SV2B: variants seen among roughly 807,000 people sequenced by gnomAD.
SV2B encodes solute carrier family 22 member B2.
SV2B carries 41 observed loss-of-function variants against 73.9 expected under a neutral mutation model. The observed-to-expected ratio is 0.56, with a 90% CI of 0.43 to 0.72. The LOEUF is 0.72. Among genes scored for constraint, SV2B ranks in the 30% least tolerant of loss-of-function variants. The probability of loss-of-function intolerance (pLI) is 0.00; values close to 1 mark genes in which losing one functional copy is unlikely to be tolerated. For synonymous variants in SV2B, 314 were observed against 314.2 expected (o/e 1.00, Z 0.01); for missense variants, 764 against 857.8 (o/e 0.89, Z 1.37).
rs745856785 is a variant in SV2B, at chr15:91,226,732, A to G, written c.451+18A>G. ...AATGCTAGGTAAGTGGAAATTTCCA[A>G]TGATCCCTCCAATGAAAGGGAAGGA... On this transcript the variant is annotated intron_variant, in intron 2 of 12. Coordinates refer to ENST00000394232, the MANE Select transcript of SV2B (RefSeq NM_001323032.3). 48 of 1,596,780 alleles carry G rather than the reference A, an allele frequency of 3.0e-5. No individual in the cohort carries two copies. The highest frequency in any genetic ancestry group is 5.2e-5 in the Admixed American group (3 of 57,424).
chr15:91,152,071 C>CTTTTTTTTT (rs59094531), intron 1 of SV2B, among the ~76,000 whole-genome samples: 18 of 137,286 alleles, frequency 1.3e-4, no homozygotes, highest in African/African-American at 4.5e-4. Context: ...AATTTTTACT[C>CTTTTTTTTT]TTTTTTTTTT....
intron 2 of SV2B, 21 bp from the exon 3 acceptor site, chr15:91,251,798 C>G: frequency 1.2e-6 from 2 of 1,611,680 alleles, no homozygotes; most frequent in Non-Finnish European, 1.7e-6. Context: ...CTATTCTCTC[C>G]TCTCCTCCCC....
chr15:91,276,838 T>TTATTATTATTATTATTA (rs1444551273), intron 9 of SV2B, among the ~76,000 whole-genome samples: 2 of 132,878 alleles, frequency 1.5e-5, no homozygotes, highest in African/African-American at 6.8e-5. Flanking sequence ...TATTATTATT[T>TTATTATTATTATTATTA]GAGACAGAGT....
rs1214779351 is a variant in SV2B, at chr15:91,115,365, T to C, written c.-392+15002T>C. 1.3e-5 allele frequency among the ~76,000 whole-genome samples: 2 copies of C among 151,992 alleles called. No homozygotes were observed. Among genetic ancestry groups the C allele is most frequent in the East Asian group, 1.9e-4 (1 of 5,192 alleles). On this transcript the variant is annotated intron_variant, in intron 1 of 12. Transcript: ENST00000394232. The surrounding 1 kb of genome is among the most constrained non-coding windows in gnomAD (Gnocchi z 4.3). ...GACGACTTTGAAAGTGGGCTATTTC[T>C]CCATCTCCCCTTCCTTTTTTTTTTG...
At chr15:91,205,128 A>T (rs1264377958) in intron 1 of SV2B, among the ~76,000 whole-genome samples, 1 of 152,084 alleles carries the variant, frequency 6.6e-6, no homozygotes, top group African/African-American at 2.4e-5. Context: ...CTTTTGTCTC[A>T]TTTTCTTCTA....
intron 1 of SV2B, among the ~76,000 whole-genome samples, chr15:91,131,788 C>A (rs2042660279): frequency 6.6e-6 from 1 of 152,082 alleles, no homozygotes; most frequent in African/African-American, 2.4e-5. Context: ...TACGGTGAAA[C>A]CCCGTCTCTA....
chr15:91,262,770 G>T (rs1027273383), intron 6 of SV2B, among the ~76,000 whole-genome samples: 1 of 152,190 alleles, frequency 6.6e-6, no homozygotes, highest in African/African-American at 2.4e-5. Context: ...GATGTTAAGG[G>T]TCACAGTGAG....
rs142703677 is a variant in SV2B at position 91,197,898 on chromosome 15, G to C, written c.-391-27975G>C. Among the ~76,000 whole-genome samples the C allele has an allele frequency of 6.6e-6, 1 of 152,064 alleles. No individual in the cohort carries two copies. The highest frequency in any genetic ancestry group is 1.5e-5 in the Non-Finnish European group (1 of 68,022). ...AAAATACAAAAATTAGCCAGGCATG[G>C]TGGGGGACCCGTGTAATCCCAGCTA... On this transcript the variant is annotated intron_variant, in intron 1 of 12. Coordinates refer to ENST00000394232, the MANE Select transcript of SV2B (RefSeq NM_001323032.3). The surrounding 1 kb of genome is among the most constrained non-coding windows in gnomAD (Gnocchi z 4.9).
In SV2B at chr15:91,128,575, T is replaced by A. The variant is rs945476885; in HGVS notation, c.-392+28212T>A. The A allele has an allele frequency of 6.6e-6, 1 of 152,214 alleles. No homozygotes were observed. The highest frequency in any genetic ancestry group is 2.4e-5 in the African/African-American group (1 of 41,446). The allele number at this position is 152,214 out of a possible 1,614,324, so 9.4% of individuals were successfully genotyped here. On this transcript the variant is annotated intron_variant, in intron 1 of 12. Coordinates refer to ENST00000394232, the MANE Select transcript of SV2B (RefSeq NM_001323032.3). The surrounding 1 kb of genome is among the most constrained non-coding windows in gnomAD (Gnocchi z 4.2). ...AGGCTAGCCATAGAAACTAGAATCC[T>A]TCTTTCCCAGGGCAGATCATAGAAA...
chr15:91,255,466 G>A (rs573437781), intron 4 of SV2B, among the ~76,000 whole-genome samples: 30 of 152,260 alleles, frequency 2.0e-4, no homozygotes, highest in South Asian at 1.2e-3. Context: ...CTGGGGACTC[G>A]GGGAAAGGGT....
At chr15:91,213,117 C>T (rs977037341) in intron 1 of SV2B, among the ~76,000 whole-genome samples, 5 of 151,990 alleles carry the variant, frequency 3.3e-5, no homozygotes, top group African/African-American at 4.8e-5. Context: ...CGTGCCACTG[C>T]ACTCCAGCCT....
rs372824872 is a variant in SV2B at position 91,226,500 on chromosome 15, C to A, written c.237C>A (p.Asp79Glu). 3 of 1,614,216 alleles carry A rather than the reference C, an allele frequency of 1.9e-6. No homozygotes were observed. Among genetic ancestry groups the A allele is most frequent in the Non-Finnish European group, 2.5e-6 (3 of 1,180,036 alleles). Residue 79 changes from aspartate (D) to glutamate (E), a missense_variant, in exon 2 of 13, where the codon GAC becomes GAA. By Grantham distance (45) the Asp-to-Glu change is conservative. Transcript: ENST00000394232. ...TGGACAGCCTTCGGGGCCAGACAGA[C>A]CTGATGGCTGAGAGGCTGGAAGATG... ...SRMDSLRGQT[D>E]LMAERLEDEE...
At chr15:91,259,787 G>A (rs1226091670) in intron 5 of SV2B, among the ~76,000 whole-genome samples, 1 of 152,102 alleles carries the variant, frequency 6.6e-6, no homozygotes, top group Non-Finnish European at 1.5e-5. Context: ...TCTCCATATG[G>A]AGGTCTTCCT....
In SV2B at chr15:91,158,694, CTCTT is replaced by C. The variant is rs1371565315; in HGVS notation, c.-392+58332_-392+58335del. 1.1e-3 allele frequency among the ~76,000 whole-genome samples: 87 copies of C among 82,278 alleles called. 2 individuals carry two copies. The highest frequency in any genetic ancestry group is 2.6e-3 in the African/African-American group (58 of 21,928). The allele number at this position is 82,278 out of a possible 152,430, so 54.0% of individuals were successfully genotyped here. ...CTCTTCTCTTCTCTTCTCTTCTCTT[CTCTT>C]CTCTCCTCTCCTCTCCTCTCCTCTC... On this transcript the variant is annotated intron_variant, in intron 1 of 12. Transcript: ENST00000394232.
At position 91,218,000 on chromosome 15, in the gene SV2B, G is replaced by A. The variant is rs548492128; in HGVS notation, c.-391-7873G>A. ...GCTATGACCATCTCAATTAGGATGGGAACTAAAGTAAAAGGTATTCTTTCT... is the reference window on the plus strand; with the variant it reads ...GCTATGACCATCTCAATTAGGATGGAAACTAAAGTAAAAGGTATTCTTTCT... On this transcript the variant is annotated intron_variant, in intron 1 of 12. Transcript: ENST00000394232. 7.9e-5 allele frequency among the ~76,000 whole-genome samples: 12 copies of A among 152,322 alleles called. No individual in the cohort carries two copies. The East Asian group carries it at 2.3e-3, about 29-fold the overall frequency.
At chr15:91,152,671 T>A (rs10520697) in intron 1 of SV2B, among the ~76,000 whole-genome samples, 41,809 of 152,006 alleles carry the variant, frequency 0.28, 6,329 homozygotes, top group Non-Finnish European at 0.33. Context: ...ATTGTGTAAG[T>A]TTGGCTTGTG....
Position 91,298,860 on chromosome 15 carries a change from A to G in SV2B, c.*6308A>G, listed in dbSNP as rs544790751. 4 of 152,332 alleles carry G rather than the reference A, an allele frequency of 2.6e-5. No homozygotes were observed. The highest frequency in any genetic ancestry group is 9.6e-5 in the African/African-American group (4 of 41,570). 9.4% of individuals were successfully genotyped at this position (152,332 alleles called of 1,614,324 possible). Reference sequence around the variant, plus strand: ...ATCACAGCTACTGTCACTCAGGAGGATGAGCCATTTAAAAATGGTGGCCCT... The same window carrying G: ...ATCACAGCTACTGTCACTCAGGAGGGTGAGCCATTTAAAAATGGTGGCCCT... On this transcript the variant is annotated 3_prime_UTR_variant, in exon 13 of 13. Coordinates refer to ENST00000394232, the MANE Select transcript of SV2B (RefSeq NM_001323032.3). The surrounding 1 kb of genome is among the most constrained non-coding windows in gnomAD (Gnocchi z 5.4).
intron 1 of SV2B, among the ~76,000 whole-genome samples, chr15:91,179,717 C>G (rs1410266610): frequency 5.3e-5 from 8 of 152,018 alleles, no homozygotes; most frequent in Non-Finnish European, 7.4e-5. Context: ...GATTGCAACC[C>G]CTGCCTTTTT....
intron 1 of SV2B, among the ~76,000 whole-genome samples, chr15:91,127,197 G>T (rs1400195759): frequency 1.3e-5 from 2 of 152,216 alleles, no homozygotes; most frequent in Non-Finnish European, 2.9e-5. Flanking sequence ...TGGGCACGAG[G>T]TGGATATTCA....
Sources: gnomAD v4.1 joint callset for allele counts (sites outside exome capture counted in the v4.1 genomes callset) on GRCh38, gnomAD v4.1.1 for gene constraint, Gnocchi (gnomAD v3.1) non-coding constraint, MANE v1.5 for transcripts, NCBI Gene and HGNC (gene_info 2026-07-23, HGNC 2026-07-21) for gene names.